The following SPRR1A variants were observed in gnomAD, a reference collection of about 807,000 sequenced individuals.
SPRR1A encodes small proline rich protein 1A, also known as cornifin-A.
For synonymous variants in SPRR1A, 40 were observed against 39.2 expected (o/e 1.02, Z -0.07); for missense variants, 123 against 105.4 (o/e 1.17, Z -0.73).
chr1:152,985,282 C>T lies in SPRR1A; in HGVS notation c.52C>T (p.Gln18Ter). Reference sequence around the variant, plus strand: ...TTGCACCCCACCCCCTCAGCCTCAGCAGCAGCAGGTGAAACAACCTTGCCA... The same window carrying T: ...TTGCACCCCACCCCCTCAGCCTCAGTAGCAGCAGGTGAAACAACCTTGCCA... Residue 18 changes from glutamine to a stop codon, truncating the protein, a stop_gained, in exon 1 of 1, where the codon CAG (glutamine) becomes TAG (stop). Coordinates refer to ENST00000368762, the Ensembl canonical transcript of SPRR1A. LOFTEE classifies it low-confidence loss of function (END_TRUNC). 1.2e-6 allele frequency: 2 copies of T among 1,613,922 alleles called. No homozygotes were observed. The highest frequency in any genetic ancestry group is 2.7e-5 in the African/African-American group (2 of 74,992).
chr1:152,984,448 T>G (rs967858472), upstream of SPRR1A, among the ~76,000 whole-genome samples: 1 of 152,060 alleles, frequency 6.6e-6, no homozygotes, highest in Non-Finnish European at 1.5e-5. Flanking sequence ...TGACAAGATA[T>G]TTATAGAAAT....
At chr1:152,985,083 A>T, upstream of SPRR1A, 1 of 1,152,826 alleles carries the variant, frequency 8.7e-7, no homozygotes. Flanking sequence ...TCATTTTTAA[A>T]TGTAATGGGG....
chr1:152,984,802 A>C (rs1652256050), upstream of SPRR1A, among the ~76,000 whole-genome samples: 1 of 152,104 alleles, frequency 6.6e-6, no homozygotes, highest in South Asian at 2.1e-4. Context: ...AAAACCATAG[A>C]GGCTTAGATG....
chr1:152,985,534 C>T, downstream of SPRR1A: 1 of 1,588,884 alleles, frequency 6.3e-7, no homozygotes, highest in Non-Finnish European at 8.6e-7. Flanking sequence ...AGGAGCTGGC[C>T]ACTGGATACT....
downstream of SPRR1A, chr1:152,985,511 A>T (rs1652286178): frequency 6.2e-7 from 1 of 1,607,420 alleles, no homozygotes; most frequent in African/African-American, 1.3e-5. Flanking sequence ...TGTGGTCCAC[A>T]GCCATGCCCT....
exon 1 of SPRR1A, chr1:152,985,268 C>A: frequency 1.2e-6 from 2 of 1,613,544 alleles, no homozygotes; most frequent in South Asian, 1.1e-5. Flanking sequence ...TGCACCCCAC[C>A]CCCTCAGCCT....
upstream of SPRR1A, among the ~76,000 whole-genome samples, chr1:152,984,172 A>G (rs1652234219): frequency 6.6e-6 from 1 of 152,182 alleles, no homozygotes; most frequent in African/African-American, 2.4e-5. Context: ...GTACTTTTTC[A>G]TTATTAGAAA....
chr1:152,985,222 A>G (rs779685515), upstream of SPRR1A: 1 of 1,595,360 alleles, frequency 6.3e-7, no homozygotes, highest in Non-Finnish European at 8.5e-7. Flanking sequence ...AAAAAAACAC[A>G]TTTGAAGCAT....
At chr1:152,985,215 A>G (rs1165820133), upstream of SPRR1A, 4 of 1,580,002 alleles carry the variant, frequency 2.5e-6, no homozygotes, top group Non-Finnish European at 3.4e-6. Context: ...TCTCTAGAAA[A>G]AAACACATTT....
At chr1:152,985,524 A>T (rs1434985308), downstream of SPRR1A, 12 of 1,598,606 alleles carry the variant, frequency 7.5e-6, no homozygotes, top group Non-Finnish European at 1.0e-5. Flanking sequence ...CATGCCCTTG[A>T]GGAGCTGGCC....
downstream of SPRR1A, chr1:152,985,610 C>G (rs1255808528): frequency 2.0e-6 from 3 of 1,494,674 alleles, no homozygotes; most frequent in Non-Finnish European, 2.7e-6. Flanking sequence ...AGCATGCTGT[C>G]ACCCTGAATC....
chr1:152,984,271 T>C (rs1652236876), upstream of SPRR1A, among the ~76,000 whole-genome samples: 1 of 152,154 alleles, frequency 6.6e-6, no homozygotes, highest in Non-Finnish European at 1.5e-5. Context: ...TTAAGTTAAA[T>C]TACAGTCTGG....
chr1:152,985,740 C>T (rs1011932275), downstream of SPRR1A, among the ~76,000 whole-genome samples: 1 of 152,172 alleles, frequency 6.6e-6, no homozygotes, highest in Non-Finnish European at 1.5e-5. Context: ...TGCTCGGGTG[C>T]ATTTGAGGAT....
chr1:152,985,235 A>G lies in SPRR1A; in HGVS notation c.5A>G (p.Asn2Ser), dbSNP rs555774385. Residue 2 changes from asparagine (N) to serine (S), a missense_variant, in exon 1 of 1, where the codon AAT (asparagine) becomes AGT (serine). Transcript: ENST00000368762. ...AGAAAAAAACACATTTGAAGCATGAATTCTCAGCAGCAGAAGCAGCCTTGC... is the reference window on the plus strand; with the variant it reads ...AGAAAAAAACACATTTGAAGCATGAGTTCTCAGCAGCAGAAGCAGCCTTGC... 3.7e-6 allele frequency: 6 copies of G among 1,605,798 alleles called. No individual in the cohort carries two copies. The East Asian group carries it at 1.3e-4, about 36-fold the overall frequency.
At chr1:152,985,274 A>G in exon 1 of SPRR1A, 1 of 1,613,758 alleles carries the variant, frequency 6.2e-7, no homozygotes, top group South Asian at 1.1e-5. Flanking sequence ...CCACCCCCTC[A>G]GCCTCAGCAG....
At chr1:152,984,533 A>G (rs904692120), upstream of SPRR1A, among the ~76,000 whole-genome samples, 3 of 152,212 alleles carry the variant, frequency 2.0e-5, no homozygotes, top group African/African-American at 7.2e-5. Context: ...TGGACAAATC[A>G]ATGCCTAACG....
exon 1 of SPRR1A, chr1:152,985,269 C>A: frequency 6.2e-7 from 1 of 1,613,674 alleles, no homozygotes; most frequent in Non-Finnish European, 8.5e-7. Flanking sequence ...GCACCCCACC[C>A]CCTCAGCCTC....
At chr1:152,984,183 T>G (rs1029984824), upstream of SPRR1A, among the ~76,000 whole-genome samples, 1 of 152,200 alleles carries the variant, frequency 6.6e-6, no homozygotes, top group Non-Finnish European at 1.5e-5. Flanking sequence ...TTATTAGAAA[T>G]TAGCTAAAGG....
exon 1 of SPRR1A, chr1:152,985,447 T>G: frequency 6.2e-7 from 1 of 1,613,820 alleles, no homozygotes; most frequent in South Asian, 1.1e-5. Flanking sequence ...GCCTGAGCCC[T>G]GCCCTTCAAC....
Sources: allele counts gnomAD v4.1 joint callset (sites outside exome capture counted in the v4.1 genomes callset), GRCh38; gene constraint gnomAD v4.1.1; transcripts MANE v1.5; gene names NCBI Gene and HGNC (gene_info 2026-07-23, HGNC 2026-07-21).